TBL1X: variants seen among roughly 807,000 people sequenced by gnomAD.
TBL1X encodes the protein F-box-like/WD repeat-containing protein TBL1X.
Under a neutral mutation model 50.7 loss-of-function variants are expected in TBL1X, and 10 were observed. The ratio of observed to expected loss-of-function variants is 0.20; its 90% CI spans 0.12 to 0.33. The LOEUF is 0.33. Among genes scored for constraint, TBL1X ranks in the 10% least tolerant of loss-of-function variants. The probability of loss-of-function intolerance (pLI) is 1.00; values close to 1 mark genes in which losing one functional copy is unlikely to be tolerated. For synonymous variants in TBL1X, 190 were observed against 214.7 expected (o/e 0.88, Z 1.01); for missense variants, 340 against 504.4 (o/e 0.67, Z 3.12).
chrX:9,697,832 C>T (rs1232610993), intron 12 of TBL1X, among the ~76,000 whole-genome samples: 1 of 112,053 alleles, frequency 8.9e-6, no homozygotes, highest in Non-Finnish European at 1.9e-5. Flanking sequence ...GCCTGTAATT[C>T]CAGCACTTCG....
intron 3 of TBL1X, among the ~76,000 whole-genome samples, chrX:9,653,038 G>A (rs1165810738): frequency 3.6e-5 from 4 of 110,642 alleles, no homozygotes; most frequent in Admixed American, 9.5e-5. Flanking sequence ...ATTGGCGGGC[G>A]CCTGTAGTCC....
intron 1 of TBL1X, among the ~76,000 whole-genome samples, chrX:9,486,593 C>A (rs1222797183): frequency 6.5e-5 from 7 of 107,248 alleles, no homozygotes; most frequent in African/African-American, 2.0e-4. Flanking sequence ...ACACACACCC[C>A]CCCCCCACGC....
intron 2 of TBL1X, among the ~76,000 whole-genome samples, chrX:9,587,337 C>T (rs1435055092): frequency 2.7e-5 from 3 of 112,079 alleles, no homozygotes; most frequent in African/African-American, 6.5e-5. Flanking sequence ...GGGAGGGAGG[C>T]GGCATCCCTT....
At chrX:9,616,623 T>C (rs995255082) in intron 2 of TBL1X, among the ~76,000 whole-genome samples, 2 of 112,447 alleles carry the variant, frequency 1.8e-5, no homozygotes, top group African/African-American at 6.5e-5. Context: ...GATTTTCTTT[T>C]AATAACACGT....
At chrX:9,690,321 A>T (rs2083089112) in intron 7 of TBL1X, among the ~76,000 whole-genome samples, 1 of 112,146 alleles carries the variant, frequency 8.9e-6, no homozygotes, top group Non-Finnish European at 1.9e-5. Flanking sequence ...TTGCTCTCAC[A>T]GTTCTGGAGG....
intron 2 of TBL1X, among the ~76,000 whole-genome samples, chrX:9,563,365 A>G (rs1021531373): frequency 8.9e-5 from 10 of 112,932 alleles, no homozygotes; most frequent in Non-Finnish European, 1.3e-4. Context: ...TGTGATAACC[A>G]TTCTACAAGG....
At chrX:9,597,810 C>G (rs921911313) in intron 2 of TBL1X, among the ~76,000 whole-genome samples, 3 of 111,800 alleles carry the variant, frequency 2.7e-5, no homozygotes, top group African/African-American at 9.8e-5. Flanking sequence ...CAGCCTGTAA[C>G]CCCAGCTCCA....
At chrX:9,549,553 C>T (rs1261022725) in intron 2 of TBL1X, among the ~76,000 whole-genome samples, 2 of 111,514 alleles carry the variant, frequency 1.8e-5, no homozygotes, top group African/African-American at 6.5e-5. Flanking sequence ...CTCTCTGGCC[C>T]TTTCCGGAAA....
chrX:9,534,063 AG>A (rs2082175794), intron 2 of TBL1X, among the ~76,000 whole-genome samples: 1 of 111,739 alleles, frequency 8.9e-6, no homozygotes, highest in Non-Finnish European at 1.9e-5. Context: ...AGGGTTGCCC[AG>A]GAGCCTGCAG....
intron 3 of TBL1X, among the ~76,000 whole-genome samples, chrX:9,647,853 C>T (rs2082813106): frequency 9.0e-6 from 1 of 111,513 alleles, no homozygotes; most frequent in South Asian, 3.8e-4. Flanking sequence ...GTGTGTGTTT[C>T]CCTGATCCTC....
intron 1 of TBL1X, among the ~76,000 whole-genome samples, chrX:9,491,320 ATATATATATATATATATATTTT>A (rs2081940976): frequency 3.6e-5 from 1 of 27,763 alleles, no homozygotes; most frequent in Admixed American, 6.1e-4. Context: ...ATATATATAT[ATATATATATATATATATATTTT>A]TTTTTTTTTT....
At chrX:9,636,036 G>A (rs2082744822) in intron 2 of TBL1X, among the ~76,000 whole-genome samples, 1 of 112,114 alleles carries the variant, frequency 8.9e-6, no homozygotes. Flanking sequence ...AACATGCTCA[G>A]TGAAAGAAGC....
intron 1 of TBL1X, among the ~76,000 whole-genome samples, chrX:9,491,956 T>G (rs2081947309): frequency 8.9e-6 from 1 of 112,114 alleles, no homozygotes; most frequent in Admixed American, 9.5e-5. Flanking sequence ...TGGACAGATT[T>G]CCTTGTAGAA....
chrX:9,536,847 A>G (rs1023987225), intron 2 of TBL1X, among the ~76,000 whole-genome samples: 1 of 111,690 alleles, frequency 9.0e-6, no homozygotes, highest in Admixed American at 9.5e-5. Context: ...GACTTTTATC[A>G]TAGAGACATT....
At chrX:9,463,545 T>G (rs1372118631), upstream of TBL1X, 1 of 112,441 alleles carries the variant, frequency 8.9e-6, no homozygotes, top group Non-Finnish European at 1.9e-5. Context: ...TACAGCAATA[T>G]TTTGCAGGGT....
chrX:9,646,479 CAGAGA>C (rs2082805135), intron 3 of TBL1X, among the ~76,000 whole-genome samples: 1 of 112,352 alleles, frequency 8.9e-6, no homozygotes, highest in African/African-American at 3.2e-5. Context: ...TACATCTGAG[CAGAGA>C]AAAGAGCCGC....
rs764443919 is a variant in TBL1X at position 9,709,343 on chromosome X, G to A, written c.1311+21G>A. On this transcript the variant is annotated intron_variant, in intron 14 of 17. Coordinates refer to ENST00000645353, the MANE Select transcript of TBL1X (RefSeq NM_005647.4). The stretch of plus-strand genomic sequence containing the variant: ...TGAAGGTAGAGTCGGCATGGCAAGG[G>A]GTGGGCTGTTTAATCCTAGACAACC... 5 of 1,207,786 alleles carry A rather than the reference G, an allele frequency of 4.1e-6. No homozygotes were observed. In the Admixed American group the frequency reaches 1.1e-4, roughly 26 times the overall value.
chrX:9,627,787 G>A (rs895927400), intron 2 of TBL1X, among the ~76,000 whole-genome samples: 11 of 112,023 alleles, frequency 9.8e-5, no homozygotes, highest in African/African-American at 3.2e-4. Flanking sequence ...CAGGACTTGG[G>A]GTTCAAATCC....
chrX:9,595,188 G>C (rs964383476), intron 2 of TBL1X, among the ~76,000 whole-genome samples: 9 of 111,900 alleles, frequency 8.0e-5, no homozygotes, highest in Non-Finnish European at 1.5e-4. Flanking sequence ...CCCAGAACCT[G>C]TGAGGGGGTC....
Sources: gnomAD v4.1 joint callset for allele counts (sites outside exome capture counted in the v4.1 genomes callset) on GRCh38, gnomAD v4.1.1 for gene constraint, MANE v1.5 for transcripts, NCBI Gene and HGNC (gene_info 2026-07-23, HGNC 2026-07-21) for gene names.